Variants in KCNG2 observed in about 807,000 individuals in gnomAD.
KCNG2 encodes the protein voltage-gated potassium channel regulatory subunit KCNG2.
KCNG2 carries 7 observed loss-of-function variants against 12.3 expected under a neutral mutation model. The observed-to-expected ratio is 0.57, with a 90% CI of 0.32 to 1.07. The LOEUF is 1.07. Ranked by LOEUF, KCNG2 falls within the 50% of genes least tolerant of loss-of-function variation. The pLI is 0.04. For synonymous variants in KCNG2, 414 were observed against 351.4 expected (o/e 1.18, Z -1.99); for missense variants, 703 against 726.0 (o/e 0.97, Z 0.36).
chr18:79,890,936 A>G (rs574449056), intron 3 of KCNG2, among the ~76,000 whole-genome samples: 1 of 111,062 alleles, frequency 9.0e-6, no homozygotes, highest in South Asian at 2.5e-4. Flanking sequence ...ATTCTAGTCA[A>G]TGGAATTTTC....
intron 1 of KCNG2, among the ~76,000 whole-genome samples, chr18:79,835,641 G>C (rs1386415563): frequency 1.3e-5 from 2 of 152,170 alleles, no homozygotes; most frequent in Non-Finnish European, 2.9e-5. Flanking sequence ...GAAAATGTGA[G>C]TAAATGCAAT....
chr18:79,814,540 C>T (rs2087514511), intron 1 of KCNG2, among the ~76,000 whole-genome samples: 1 of 152,148 alleles, frequency 6.6e-6, no homozygotes, highest in African/African-American at 2.4e-5. Flanking sequence ...AAAGGACAAG[C>T]TTATAGAGAT....
chr18:79,897,262 T>G (rs2123136955), intron 3 of KCNG2, among the ~76,000 whole-genome samples: 1 of 152,370 alleles, frequency 6.6e-6, no homozygotes, highest in South Asian at 2.1e-4. Context: ...TTTGGTTTAT[T>G]CTTTTTCTCT....
intron 1 of KCNG2, among the ~76,000 whole-genome samples, chr18:79,831,772 C>T (rs972342043): frequency 6.6e-6 from 1 of 152,116 alleles, no homozygotes; most frequent in Admixed American, 6.5e-5. Context: ...CAGGAGCGTT[C>T]CCTTCATACA....
chr18:79,858,965 A>G (rs898339347), intron 2 of KCNG2, among the ~76,000 whole-genome samples: 1 of 152,164 alleles, frequency 6.6e-6, no homozygotes, highest in African/African-American at 2.4e-5. Flanking sequence ...CATCCTGGAT[A>G]CTGGACTCTT....
rs1456094927 is a variant in KCNG2 at position 79,863,677 on chromosome 18, T to A, written c.10T>A (p.Trp4Arg). The change falls in exon 3 of 4, where the codon TGG (tryptophan) becomes AGG (arginine). Residue 4 changes from tryptophan to arginine, a missense_variant. Transcript: ENST00000316249. ...CGGTCCGGCCCTGCGCATGGAGCCA[T>A]GGCCCTGCTCCCCGGGCGGCGGCGG... MEP[W>R]PCSPGGGGGT... 8.3e-7 allele frequency: 1 copy of A among 1,203,756 alleles called. No homozygotes were observed. Among genetic ancestry groups the A allele is most frequent in the Non-Finnish European group, 1.0e-6 (1 of 970,416 alleles). 74.6% of individuals were successfully genotyped at this position (1,203,756 alleles called of 1,614,324 possible).
At chr18:79,869,592 G>A (rs765432107) in intron 3 of KCNG2, among the ~76,000 whole-genome samples, 6 of 152,276 alleles carry the variant, frequency 3.9e-5, no homozygotes, top group Non-Finnish European at 8.8e-5. Context: ...ACGTGGGATC[G>A]TTCACTCCAT....
At chr18:79,852,153 C>A (rs1365641750) in intron 1 of KCNG2, among the ~76,000 whole-genome samples, 2 of 152,260 alleles carry the variant, frequency 1.3e-5, no homozygotes, top group East Asian at 1.9e-4. Flanking sequence ...GGATGGCAAG[C>A]GCTGTGTGTG....
intron 1 of KCNG2, among the ~76,000 whole-genome samples, chr18:79,826,116 G>A (rs899946282): frequency 6.6e-6 from 1 of 152,252 alleles, no homozygotes; most frequent in African/African-American, 2.4e-5. Flanking sequence ...GACACACTGT[G>A]GGCGACAGGA....
intron 3 of KCNG2, among the ~76,000 whole-genome samples, chr18:79,892,343 T>C (rs1041901994): frequency 6.6e-6 from 1 of 152,264 alleles, no homozygotes; most frequent in Non-Finnish European, 1.5e-5. Context: ...TGTCTATTAG[T>C]ACAGTCATTC....
At chr18:79,858,254 A>G (rs768366894) in intron 2 of KCNG2, among the ~76,000 whole-genome samples, 2 of 152,232 alleles carry the variant, frequency 1.3e-5, no homozygotes, top group Non-Finnish European at 2.9e-5. Context: ...CACCCGCCTC[A>G]GCCTCCCAAA....
At chr18:79,813,749 T>A (rs2087509049) in intron 1 of KCNG2, among the ~76,000 whole-genome samples, 1 of 152,210 alleles carries the variant, frequency 6.6e-6, no homozygotes, top group African/African-American at 2.4e-5. Context: ...GTAAACTTGA[T>A]AAATTGGACC....
chr18:79,807,216 G>C (rs947686731), intron 1 of KCNG2, among the ~76,000 whole-genome samples: 1 of 152,180 alleles, frequency 6.6e-6, no homozygotes, highest in Non-Finnish European at 1.5e-5. Context: ...GTGGCTCAGG[G>C]ATACTGGGAG....
At chr18:79,821,905 C>T (rs888530257) in intron 1 of KCNG2, among the ~76,000 whole-genome samples, 1 of 152,140 alleles carries the variant, frequency 6.6e-6, no homozygotes, top group Non-Finnish European at 1.5e-5. Flanking sequence ...ATTGACTATT[C>T]GTGGTCCGTT....
chr18:79,867,439 CGT>C (rs1201453909), intron 3 of KCNG2, among the ~76,000 whole-genome samples: 3 of 108,806 alleles, frequency 2.8e-5, no homozygotes, highest in African/African-American at 1.0e-4. Flanking sequence ...GTGAGCTCAG[CGT>C]GTGTCGTGTC....
intron 3 of KCNG2, among the ~76,000 whole-genome samples, chr18:79,892,970 A>G (rs1980801310): frequency 6.6e-6 from 1 of 152,040 alleles, no homozygotes; most frequent in African/African-American, 2.4e-5. Flanking sequence ...TACGATTGAT[A>G]TAGTTGGGTC....
At chr18:79,878,759 G>A (rs1325782521) in intron 3 of KCNG2, among the ~76,000 whole-genome samples, 4 of 152,256 alleles carry the variant, frequency 2.6e-5, no homozygotes, top group Non-Finnish European at 5.9e-5. Flanking sequence ...AGAAAAGAGT[G>A]TAAATCCACA....
At chr18:79,805,351 C>T (rs992736165) in intron 1 of KCNG2, among the ~76,000 whole-genome samples, 2 of 152,322 alleles carry the variant, frequency 1.3e-5, no homozygotes, top group Middle Eastern at 3.4e-3. Context: ...AGGAAACACA[C>T]GCGTGGCAGG....
At chr18:79,817,966 G>T (rs2087542378) in intron 1 of KCNG2, among the ~76,000 whole-genome samples, 1 of 152,198 alleles carries the variant, frequency 6.6e-6, no homozygotes, top group Non-Finnish European at 1.5e-5. Flanking sequence ...CAGAGAAAGG[G>T]GACACCCTAC....
Sources: gnomAD v4.1 joint callset for allele counts (sites outside exome capture counted in the v4.1 genomes callset) on GRCh38, gnomAD v4.1.1 for gene constraint, MANE v1.5 for transcripts, NCBI Gene and HGNC (gene_info 2026-07-23, HGNC 2026-07-21) for gene names.